VCPIP1: variants seen among roughly 807,000 people sequenced by gnomAD.
The protein encoded by VCPIP1 is valosin containing protein interacting protein 1, also known as deubiquitinating protein VCPIP1.
Under a neutral mutation model 85.0 loss-of-function variants are expected in VCPIP1, and 8 were observed. The ratio of observed to expected loss-of-function variants is 0.09; its 90% confidence interval spans 0.06 to 0.17. The LOEUF (loss-of-function observed/expected upper bound fraction) is 0.17. VCPIP1 is among the 10% of genes least tolerant of loss of function. The probability of loss-of-function intolerance (pLI) is 1.00; values close to 1 mark genes in which losing one functional copy is unlikely to be tolerated. For synonymous variants in VCPIP1, 543 were observed against 544.5 expected, an observed-to-expected ratio of 1.00 and a Z score of 0.04; for missense variants, 1,070 against 1,486.3, an observed-to-expected ratio of 0.72 and a Z score of 4.61.
intron 1 of VCPIP1, among the ~76,000 whole-genome samples, chr8:66,661,858 G>A (rs1429447918): frequency 1.2e-4 from 18 of 147,854 alleles, no homozygotes; most frequent in South Asian, 4.4e-4. Flanking sequence ...CTGCCTCCCC[G>A]GTTCACAAGA....
At chr8:66,651,200 A>G (rs1374472565) in intron 2 of VCPIP1, among the ~76,000 whole-genome samples, 2 of 151,754 alleles carry the variant, frequency 1.3e-5, no homozygotes, top group Non-Finnish European at 1.5e-5. Context: ...AAAAAAAAAA[A>G]AAAAGAATCA....
At chr8:66,642,685 A>G (rs1024287631) in intron 2 of VCPIP1, among the ~76,000 whole-genome samples, 1 of 152,192 alleles carries the variant, frequency 6.6e-6, no homozygotes, top group African/African-American at 2.4e-5. Flanking sequence ...TGAAAAGACT[A>G]TTCTTTCCCC....
intron 2 of VCPIP1, among the ~76,000 whole-genome samples, chr8:66,638,269 C>T (rs1810908473): frequency 6.6e-6 from 1 of 151,126 alleles, no homozygotes; most frequent in Non-Finnish European, 1.5e-5. Flanking sequence ...GGCAAATTGA[C>T]TACTTGAGCC....
At position 66,630,295 on chromosome 8, in the gene VCPIP1, A is replaced by G. The variant is rs1586618893; in HGVS notation, c.*4206T>C. ...TCTATACTATTTTATTGAGCAGTTA[A>G]AGCACTTGCTATTTTTCTAAATATT... On this transcript the variant is annotated 3_prime_UTR_variant, in exon 3 of 3. Coordinates refer to ENST00000310421, the MANE Select transcript of VCPIP1 (RefSeq NM_025054.5). 6.6e-6 allele frequency: 1 copy of G among 152,392 alleles called. No homozygotes were observed. Among genetic ancestry groups the G allele is most frequent in the African/African-American group, 2.4e-5 (1 of 41,584 alleles). The allele number at this position is 152,392 out of a possible 1,614,324, so 9.4% of individuals were successfully genotyped here. A position where few individuals can be genotyped will look rare whatever the true frequency, so the allele number is the denominator to read the frequency against.
At chr8:66,641,475 C>T (rs770732956) in intron 2 of VCPIP1, among the ~76,000 whole-genome samples, 3 of 152,148 alleles carry the variant, frequency 2.0e-5, no homozygotes, top group Non-Finnish European at 4.4e-5. Flanking sequence ...GATCCTTCCA[C>T]CTCAGCCTCC....
At chr8:66,638,970 C>CTCTCTCTCTCTCTCTCTATATATATATA in intron 2 of VCPIP1, among the ~76,000 whole-genome samples, 7 of 118,436 alleles carry the variant, frequency 5.9e-5, no homozygotes, top group African/African-American at 1.2e-4. Context: ...CTCTCTCTCT[C>CTCTCTCTCTCTCTCTCTATATATATATA]TATATATATA....
chr8:66,665,737 T>C lies in VCPIP1; in HGVS notation c.1222A>G (p.Lys408Glu). 1.9e-6 allele frequency: 3 copies of C among 1,614,162 alleles called. No individual in the cohort carries two copies. Among genetic ancestry groups the C allele is most frequent in the Non-Finnish European group, 2.5e-6 (3 of 1,180,028 alleles). ...GCAGCAACAAGCCTAAGTAAGTATT[T>C]ATCTTGCAAACTTCTGTCACCTCCA... is the stretch of plus-strand genomic sequence containing the variant. ...VIGGDRSLQDKYLLRLVAAME... is the reference protein window; with the variant it reads ...VIGGDRSLQDEYLLRLVAAME... Residue 408 changes from lysine (K) to glutamate (E), a missense_variant, in exon 1 of 3, where the codon AAA (lysine) becomes GAA (glutamate). Around this residue, in one of 8 missense-constraint regions of VCPIP1, gnomAD observed 83 missense variants for 134.6 expected, o/e 0.62. Transcript: ENST00000310421. This position sits in a 1 kb window ranked among gnomAD's most constrained non-coding sequence, Gnocchi z 4.3.
At chr8:66,662,312 G>A (rs968861383) in intron 1 of VCPIP1, among the ~76,000 whole-genome samples, 7 of 152,118 alleles carry the variant, frequency 4.6e-5, no homozygotes, top group East Asian at 1.9e-4. Context: ...CCTACCCCTC[G>A]ACAGAGATTA....
At chr8:66,639,445 C>A (rs772259219) in intron 2 of VCPIP1, among the ~76,000 whole-genome samples, 1 of 145,368 alleles carries the variant, frequency 6.9e-6, no homozygotes, top group Non-Finnish European at 1.5e-5. Flanking sequence ...GCCTCCTCCT[C>A]CCAGGTTCAA....
rs142320265 is a variant in VCPIP1, at chr8:66,632,909, A to G, written c.*1592T>C. On this transcript the variant is annotated 3_prime_UTR_variant, in exon 3 of 3. Coordinates refer to ENST00000310421, the MANE Select transcript of VCPIP1 (RefSeq NM_025054.5). ...AGGATGAAGATAAAATATAAAGACA[A>G]ACGTGATAATGTGATAAAAACTAAC... The G allele has an allele frequency of 1.8e-4, 28 of 152,226 alleles. No homozygotes were observed. The East Asian group carries it at 5.4e-3, about 29-fold the overall frequency. 9.4% of individuals were successfully genotyped at this position (152,226 alleles called of 1,614,324 possible). A position where few individuals can be genotyped will look rare whatever the true frequency, so the allele number is the denominator to read the frequency against.
chr8:66,666,913 G>T lies in VCPIP1; in HGVS notation c.46C>A (p.Pro16Thr). 1.9e-6 allele frequency: 3 copies of T among 1,592,044 alleles called. No homozygotes were observed. Among genetic ancestry groups the T allele is most frequent in the Non-Finnish European group, 2.6e-6 (3 of 1,173,602 alleles). Residue 16 changes from proline to threonine, a missense_variant, in exon 1 of 3, where the codon CCT becomes ACT. Around this residue, in one of 8 missense-constraint regions of VCPIP1, gnomAD observed 164 missense variants for 158.6 expected, o/e 1.03. Coordinates refer to ENST00000310421, the MANE Select transcript of VCPIP1 (RefSeq NM_025054.5). The surrounding 1 kb of genome is among the most constrained non-coding windows in gnomAD (Gnocchi z 6.3). ...PPPPPLPPPP[P>T]PPEAPQTPSS... ...GGAGTCTGTGGAGCCTCAGGGGGAG[G>T]AGGTGGCGGCGGCAACGGAGGCGGC...
At position 66,630,348 on chromosome 8, in the gene VCPIP1, T is replaced by C. The variant is rs1392875638; in HGVS notation, c.*4153A>G. On this transcript the variant is annotated 3_prime_UTR_variant, in exon 3 of 3. Transcript: ENST00000310421. The stretch of plus-strand genomic sequence containing the variant: ...CACTATTACTGCTTATGTTTACAAA[T>C]TCTAAGTATCATTTCCCTCCAAAAA... The C allele has an allele frequency of 6.6e-6, 1 of 152,536 alleles. No individual in the cohort carries two copies. Among genetic ancestry groups the C allele is most frequent in the African/African-American group, 2.4e-5 (1 of 41,466 alleles). The allele number at this position is 152,536 out of a possible 1,614,324, so 9.4% of individuals were successfully genotyped here.
At chr8:66,653,847 T>C (rs1341604338) in intron 1 of VCPIP1, among the ~76,000 whole-genome samples, 8 of 152,232 alleles carry the variant, frequency 5.3e-5, no homozygotes, top group South Asian at 4.1e-4. Context: ...TCTGCTTATG[T>C]ACTGTATATA....
At chr8:66,638,642 G>A (rs1810913401) in intron 2 of VCPIP1, among the ~76,000 whole-genome samples, 1 of 152,040 alleles carries the variant, frequency 6.6e-6, no homozygotes, top group Admixed American at 6.6e-5. Flanking sequence ...AGCCAGGCGT[G>A]GTGGCGGGCG....
chr8:66,638,480 C>CAAA lies in VCPIP1; in HGVS notation c.2798-3111_2798-3109dup, dbSNP rs34135306. 4.5e-3 allele frequency among the ~76,000 whole-genome samples: 538 copies of CAAA among 118,668 alleles called. 8 individuals carry two copies. Among genetic ancestry groups the CAAA allele is most frequent in the African/African-American group, 0.016 (473 of 29,332 alleles). The allele number at this position is 118,668 out of a possible 152,430, so 77.9% of individuals were successfully genotyped here. A position where few individuals can be genotyped will look rare whatever the true frequency, so the allele number is the denominator to read the frequency against. ...CCAGCCTGAGAGTAAAACCCCATCT[C>CAAA]AAAAAAAAAAAAAAAAAGGCCAGGC... On this transcript the variant is annotated intron_variant, in intron 2 of 2. Transcript: ENST00000310421.
At chr8:66,661,791 T>C (rs1178893767) in intron 1 of VCPIP1, among the ~76,000 whole-genome samples, 1 of 148,780 alleles carries the variant, frequency 6.7e-6, no homozygotes. Flanking sequence ...TGAGATACAG[T>C]CTTGTTCTGT....
At position 66,666,355 on chromosome 8, in the gene VCPIP1, T is replaced by G. The variant is rs1222998188; in HGVS notation, c.604A>C (p.Asn202His). 1 of 1,614,198 alleles carries G rather than the reference T, an allele frequency of 6.2e-7. No homozygotes were observed. ...GGAATGAGACATTCCTGGCTTTTAT[T>G]GGCCCGCTTAATGTCCTCCAGAGTG... ...HDTLEDIKRA[N>H]KSQECLIPVH... Residue 202 changes from asparagine to histidine, a missense_variant, in exon 1 of 3, where the codon AAT (asparagine) becomes CAT (histidine). This residue lies in a region of VCPIP1 where 118 missense variants were observed against 337.1 expected (regional missense o/e 0.35). Coordinates refer to ENST00000310421, the MANE Select transcript of VCPIP1 (RefSeq NM_025054.5). The surrounding 1 kb of genome is among the most constrained non-coding windows in gnomAD (Gnocchi z 6.3).
intron 2 of VCPIP1, among the ~76,000 whole-genome samples, chr8:66,640,455 G>A (rs1169422322): frequency 1.3e-5 from 2 of 152,162 alleles, no homozygotes; most frequent in Admixed American, 6.5e-5. Context: ...CAGAAAGGAG[G>A]CAGGTAAATA....
intron 1 of VCPIP1, among the ~76,000 whole-genome samples, chr8:66,659,199 A>ATTT (rs34749864): frequency 6.9e-6 from 1 of 144,902 alleles, no homozygotes; most frequent in Non-Finnish European, 1.5e-5. Context: ...TCTACAAGAA[A>ATTT]TTTTTTTTTT....
Sources: gnomAD v4.1 joint callset for allele counts (sites outside exome capture counted in the v4.1 genomes callset) on GRCh38, gnomAD v4.1.1 for gene constraint, gnomAD v4.1.1 regional missense constraint, Gnocchi (gnomAD v3.1) non-coding constraint, MANE v1.5 for transcripts, NCBI Gene and HGNC (gene_info 2026-07-23, HGNC 2026-07-21) for gene names.